The following METTL15 variants were observed in gnomAD, a reference collection of about 807,000 sequenced individuals.
The protein encoded by METTL15 is 12S rRNA N(4)-cytidine methyltransferase METTL15.
METTL15 carries 34 observed loss-of-function variants against 38.3 expected under a neutral mutation model. That is an observed-to-expected ratio of 0.89 (90% CI 0.68 to 1.18). The LOEUF is 1.18. Among genes scored for constraint, METTL15 ranks in the 50% most tolerant of loss-of-function variants. The pLI is 0.00. For missense variants in METTL15, 438 were observed against 498.4 expected (o/e 0.88, Z 1.15); for synonymous variants, 162 against 170.9 (o/e 0.95, Z 0.41).
At chr11:28,164,221 A>G (rs1424763554) in intron 3 of METTL15, 2 of 152,060 alleles carry the variant, frequency 1.3e-5, no homozygotes, top group East Asian at 3.8e-4. Flanking sequence ...CTTATTTGTG[A>G]ACAAAATGAT....
intron 6 of METTL15, among the ~76,000 whole-genome samples, chr11:28,452,379 A>G (rs1851130369): frequency 6.6e-6 from 1 of 152,216 alleles, no homozygotes; most frequent in South Asian, 2.1e-4. Flanking sequence ...TTCATTCTGT[A>G]AAATCAATTG....
At chr11:28,166,919 A>G (rs1377943918) in intron 3 of METTL15, among the ~76,000 whole-genome samples, 2 of 152,248 alleles carry the variant, frequency 1.3e-5, no homozygotes, top group African/African-American at 4.8e-5. Flanking sequence ...AGTGCACTCC[A>G]GCCTGTGTGA....
intron 4 of METTL15, among the ~76,000 whole-genome samples, chr11:28,224,118 A>C (rs1407586063): frequency 5.9e-5 from 9 of 152,052 alleles, no homozygotes; most frequent in Admixed American, 5.9e-4. Context: ...AAACTCACCC[A>C]TAATTTTACC....
chr11:28,144,900 A>T (rs760616878), intron 3 of METTL15: 1 of 162,506 alleles, frequency 6.2e-6, no homozygotes, highest in Non-Finnish European at 1.4e-5. Context: ...CTTGTCATAC[A>T]TTATAGGCAA....
intron 3 of METTL15, among the ~76,000 whole-genome samples, chr11:28,152,523 CT>C (rs1048544031): frequency 2.6e-5 from 4 of 151,032 alleles, no homozygotes; most frequent in Non-Finnish European, 5.9e-5. Flanking sequence ...GGAAACGTTT[CT>C]TTTTTTTAAC....
At chr11:28,188,209 G>C (rs1281838252) in intron 3 of METTL15, among the ~76,000 whole-genome samples, 1 of 151,212 alleles carries the variant, frequency 6.6e-6, no homozygotes, top group Non-Finnish European at 1.5e-5. Flanking sequence ...GCCTATTGCT[G>C]ACATTTGCTT....
chr11:28,240,370 C>A (rs931080392), intron 4 of METTL15, among the ~76,000 whole-genome samples: 1 of 152,096 alleles, frequency 6.6e-6, no homozygotes, highest in African/African-American at 2.4e-5. Flanking sequence ...ACATAGGTAT[C>A]TTTTAAATGG....
intron 4 of METTL15, among the ~76,000 whole-genome samples, chr11:28,222,358 C>T (rs1853275774): frequency 6.6e-6 from 1 of 152,182 alleles, no homozygotes; most frequent in Admixed American, 6.5e-5. Flanking sequence ...TAGCCATGCC[C>T]AGGATATAAT....
intron 3 of METTL15, among the ~76,000 whole-genome samples, chr11:28,170,687 C>CT (rs1264526632): frequency 6.6e-6 from 1 of 152,146 alleles, no homozygotes; most frequent in African/African-American, 2.4e-5. Context: ...CATTTGTAAA[C>CT]TGTCATGGCC....
rs1357943976 is a variant in METTL15, at chr11:28,398,551, TC to T, written c.*359-25747del. On this transcript the variant is annotated intron_variant and NMD_transcript_variant, in intron 5 of 7. Transcript: ENST00000532947. Reference sequence around the variant, plus strand: ...TTTTTTCTTGAAAATTTGTTTAAGTTCTTTGTAGATTCTGGATATTAGCCCC... The same window carrying T: ...TTTTTTCTTGAAAATTTGTTTAAGTTTTTGTAGATTCTGGATATTAGCCCC... 3.3e-5 allele frequency among the ~76,000 whole-genome samples: 5 copies of T among 152,174 alleles called. 1 individual carries two copies. The highest frequency in any genetic ancestry group is 7.3e-5 in the Non-Finnish European group (5 of 68,032).
rs137945377 is a variant in METTL15, at chr11:28,433,968, C to G, written c.*424+9604C>G. The stretch of plus-strand genomic sequence containing the variant: ...CTCCTTCCTAAGTGAAGGATGGTCT[C>G]CTTGGGCATCGTTCTGCATTTAAGA... On this transcript the variant is annotated intron_variant and NMD_transcript_variant, in intron 6 of 7. Coordinates refer to the METTL15 transcript ENST00000532947. Among the ~76,000 whole-genome samples the G allele has an allele frequency of 1.0e-2, 1,522 of 152,216 alleles. 75 individuals carry two copies. Among genetic ancestry groups the G allele is most frequent in the Admixed American group, 0.085 (1,302 of 15,284 alleles).
At chr11:28,394,975 T>C (rs1479254183) in intron 5 of METTL15, among the ~76,000 whole-genome samples, 1 of 152,132 alleles carries the variant, frequency 6.6e-6, no homozygotes, top group Non-Finnish European at 1.5e-5. Context: ...CTCCCTACTA[T>C]ACACAACCGT....
intron 5 of METTL15, among the ~76,000 whole-genome samples, chr11:28,379,262 A>G (rs974717381): frequency 6.6e-6 from 1 of 151,760 alleles, no homozygotes; most frequent in African/African-American, 2.4e-5. Context: ...TTTTGGGTTC[A>G]GTTCATTTTT....
intron 4 of METTL15, among the ~76,000 whole-genome samples, chr11:28,218,420 CTT>C (rs1338811085): frequency 5.9e-5 from 9 of 152,126 alleles, no homozygotes; most frequent in Admixed American, 2.6e-4. Flanking sequence ...TATCCTGAGA[CTT>C]TGCTGAAGTT....
chr11:28,425,241 A>G (rs2133424316), intron 6 of METTL15, among the ~76,000 whole-genome samples: 1 of 152,296 alleles, frequency 6.6e-6, no homozygotes, highest in East Asian at 1.9e-4. Flanking sequence ...CCATCTATTC[A>G]TTCTTTCCAC....
intron 4 of METTL15, among the ~76,000 whole-genome samples, chr11:28,223,040 A>T (rs1324047837): frequency 6.6e-6 from 1 of 152,168 alleles, no homozygotes; most frequent in Non-Finnish European, 1.5e-5. Context: ...GCAGAAAAGG[A>T]TACTTTCATC....
intron 6 of METTL15, among the ~76,000 whole-genome samples, chr11:28,434,377 G>A (rs1464411731): frequency 6.6e-6 from 1 of 152,174 alleles, no homozygotes; most frequent in East Asian, 1.9e-4. Flanking sequence ...TTAGCAGTGT[G>A]AGAATAAACT....
chr11:28,179,446 A>G (rs1243603196), intron 3 of METTL15, among the ~76,000 whole-genome samples: 2 of 151,798 alleles, frequency 1.3e-5, no homozygotes, highest in African/African-American at 4.8e-5. Flanking sequence ...CTCACTCAGA[A>G]AGCCTGTCTC....
At chr11:28,389,376 C>G (rs1448365471) in intron 5 of METTL15, among the ~76,000 whole-genome samples, 1 of 102,708 alleles carries the variant, frequency 9.7e-6, no homozygotes, top group Admixed American at 1.3e-4. Flanking sequence ...TGCTGTCCCT[C>G]CCCCCTCCCC....
Sources: gnomAD v4.1 joint callset for allele counts (sites outside exome capture counted in the v4.1 genomes callset) on GRCh38, gnomAD v4.1.1 for gene constraint, MANE v1.5 for transcripts, NCBI Gene and HGNC (gene_info 2026-07-23, HGNC 2026-07-21) for gene names.